The following STK10 variants were observed in gnomAD, a reference collection of about 807,000 sequenced individuals.
STK10 encodes serine/threonine-protein kinase 10.
STK10 carries 78 observed loss-of-function variants against 113.8 expected under a neutral mutation model. That is an observed-to-expected ratio of 0.69 (90% confidence interval 0.57 to 0.83). The LOEUF (loss-of-function observed/expected upper bound fraction) is 0.83. STK10 is among the 40% of genes least tolerant of loss of function. STK10 has a pLI of 0.00. For missense variants in STK10, 1,109 were observed against 1,280.1 expected (o/e 0.87, Z 2.04); for synonymous variants, 465 against 494.7 (o/e 0.94, Z 0.80).
intron 2 of STK10, among the ~76,000 whole-genome samples, chr5:172,141,105 G>A (rs1388638150): frequency 6.6e-6 from 1 of 152,178 alleles, no homozygotes; most frequent in East Asian, 1.9e-4. Context: ...GCTGCCACGG[G>A]CTGATGGTAG....
Position 172,060,716 on chromosome 5 carries a change from A to C in STK10, c.2212+423T>G, listed in dbSNP as rs189183865. On this transcript the variant is annotated intron_variant, in intron 14 of 18. Coordinates refer to ENST00000176763, the MANE Select transcript of STK10 (RefSeq NM_005990.4). ...AAAGAATAGTAACTCTCCAAGCCTCAGTTTCCTCATCTACAGAAATGGGGA... is the reference window on the plus strand; with the variant it reads ...AAAGAATAGTAACTCTCCAAGCCTCCGTTTCCTCATCTACAGAAATGGGGA... Among the ~76,000 whole-genome samples the C allele has an allele frequency of 1.5e-3, 231 of 152,324 alleles. 1 individual carries two copies. The highest frequency in any genetic ancestry group is 5.3e-3 in the African/African-American group (222 of 41,588).
intron 5 of STK10, among the ~76,000 whole-genome samples, chr5:172,107,554 C>T (rs896033538): frequency 2.6e-5 from 4 of 152,202 alleles, no homozygotes; most frequent in African/African-American, 4.8e-5. Context: ...ATTTCATTCT[C>T]ACAGTAGCCT....
chr5:172,124,076 AC>A (rs1430127389), intron 3 of STK10, among the ~76,000 whole-genome samples: 4 of 152,008 alleles, frequency 2.6e-5, no homozygotes, highest in Admixed American at 6.6e-5. Context: ...ACAGGTGCAA[AC>A]CACTAACGCC....
Position 172,093,399 on chromosome 5 carries a change from G to C in STK10, c.1554+13C>G. The C allele has an allele frequency of 6.4e-7, 1 of 1,573,138 alleles. No homozygotes were observed. Among genetic ancestry groups the C allele is most frequent in the Non-Finnish European group, 8.7e-7 (1 of 1,153,590 alleles). ...GTCTTGCTGCAAGCCCGTGGTGGCAGAGGCGGTGTTACCTTGATGGACAGA... is the reference window on the plus strand; with the variant it reads ...GTCTTGCTGCAAGCCCGTGGTGGCACAGGCGGTGTTACCTTGATGGACAGA... On this transcript the variant is annotated intron_variant, in intron 9 of 18. Coordinates refer to ENST00000176763, the MANE Select transcript of STK10 (RefSeq NM_005990.4). The surrounding 1 kb of genome is among the most constrained non-coding windows in gnomAD (Gnocchi z 4.1).
At chr5:172,069,211 C>T (rs545939926) in intron 12 of STK10, among the ~76,000 whole-genome samples, 1 of 151,370 alleles carries the variant, frequency 6.6e-6, no homozygotes, top group South Asian at 2.1e-4. Context: ...AATATAAATG[C>T]CATAAACACC....
chr5:172,099,883 C>A (rs546826192), intron 7 of STK10, among the ~76,000 whole-genome samples: 4 of 152,194 alleles, frequency 2.6e-5, no homozygotes, highest in Admixed American at 6.5e-5. Context: ...CTTTTCAGCA[C>A]GGCCAGGAAC....
chr5:172,177,191 C>T (rs61677863), intron 1 of STK10, among the ~76,000 whole-genome samples: 11,004 of 143,360 alleles, frequency 0.077, 1,330 homozygotes, highest in African/African-American at 0.27. Flanking sequence ...AAAGAAAAGA[C>T]CCTAGAAGGC....
rs779478364 is a variant in STK10, at chr5:172,107,877, G to A, written c.521-25C>T. The A allele has an allele frequency of 6.2e-5, 100 of 1,612,234 alleles. No homozygotes were observed. In the East Asian group the frequency reaches 9.1e-4, roughly 15 times the overall value. On this transcript the variant is annotated intron_variant, in intron 4 of 18. Coordinates refer to ENST00000176763, the MANE Select transcript of STK10 (RefSeq NM_005990.4). ...GCTGCAAGACAAAATCTCAGCTAGC[G>A]TTTTCCACCCATAGCCCTGGGGTAA...
intron 2 of STK10, among the ~76,000 whole-genome samples, chr5:172,131,215 T>G (rs1769749685): frequency 2.0e-5 from 3 of 152,038 alleles, no homozygotes; most frequent in African/African-American, 7.2e-5. Context: ...TTGTATTTTT[T>G]GGTAGAGGCA....
intron 18 of STK10, 93 bp downstream of exon 18, chr5:172,052,836 C>G: frequency 8.1e-7 from 1 of 1,231,712 alleles, no homozygotes; most frequent in East Asian, 2.4e-5. Flanking sequence ...AAGAGTCCAC[C>G]AAAATAAGGA....
In STK10 at chr5:172,099,334, G is replaced by A. The variant is rs1768929392; in HGVS notation, c.871-2774C>T. On this transcript the variant is annotated intron_variant, in intron 7 of 18. Coordinates refer to ENST00000176763, the MANE Select transcript of STK10 (RefSeq NM_005990.4). ...GGCGGTGGATCACCTGAGGTCAGGA[G>A]TTCAAGATCAGCCTGGCCAACATGG... Among the ~76,000 whole-genome samples, 7 of 152,300 alleles carry A rather than the reference G, an allele frequency of 4.6e-5. No homozygotes were observed. In the South Asian group the frequency reaches 1.4e-3, roughly 32 times the overall value.
intron 1 of STK10, among the ~76,000 whole-genome samples, chr5:172,180,210 TC>T (rs1435571838): frequency 2.6e-5 from 4 of 152,256 alleles, no homozygotes; most frequent in African/African-American, 9.6e-5. Flanking sequence ...ACGCCTGTAA[TC>T]CCAGCAGTTT....
intron 18 of STK10, 63 bp downstream of exon 18, chr5:172,052,866 A>T: frequency 3.3e-6 from 5 of 1,522,032 alleles, no homozygotes; most frequent in Non-Finnish European, 4.5e-6. Flanking sequence ...TGTCCTGGCC[A>T]GAGGCCTGTG....
intron 1 of STK10, among the ~76,000 whole-genome samples, chr5:172,166,040 A>G (rs2087614): frequency 0.64 from 97,007 of 151,784 alleles, 31,759 homozygotes; most frequent in African/African-American, 0.8. Context: ...TGATCCGCCC[A>G]CCTTGGCCTC....
chr5:172,130,522 C>T (rs981920972), intron 2 of STK10, among the ~76,000 whole-genome samples: 1 of 143,654 alleles, frequency 7.0e-6, no homozygotes, highest in Admixed American at 6.9e-5. Context: ...CAGAGCAAGA[C>T]TCTGTCTCCA....
At chr5:172,103,723 A>G (rs539180455) in intron 7 of STK10, among the ~76,000 whole-genome samples, 1 of 152,010 alleles carries the variant, frequency 6.6e-6, no homozygotes, top group South Asian at 2.1e-4. Context: ...GGCAGTAGAT[A>G]GACCTCATTT....
intron 2 of STK10, among the ~76,000 whole-genome samples, chr5:172,142,732 A>G (rs868837428): frequency 6.6e-6 from 1 of 152,226 alleles, no homozygotes; most frequent in Non-Finnish European, 1.5e-5. Flanking sequence ...ATCGAGTATT[A>G]CCAGCACTAG....
intron 2 of STK10, among the ~76,000 whole-genome samples, chr5:172,151,807 A>C (rs944412122): frequency 6.6e-6 from 1 of 152,196 alleles, no homozygotes; most frequent in African/African-American, 2.4e-5. Context: ...TCCACTTAGT[A>C]GCTGCTCAGC....
In STK10 at chr5:172,090,191, C is replaced by T. The variant is rs766871971; in HGVS notation, c.1685+41G>A. 6.8e-6 allele frequency: 11 copies of T among 1,610,320 alleles called. No homozygotes were observed. In the South Asian group the frequency reaches 1.0e-4, roughly 15 times the overall value. On this transcript the variant is annotated intron_variant, in intron 10 of 18. Coordinates refer to ENST00000176763, the MANE Select transcript of STK10 (RefSeq NM_005990.4). ...CAATGCCCACTCCTCTTACCATAGC[C>T]CCACCCTGTTACCACCATTGGTGGC...
Sources: allele counts gnomAD v4.1 joint callset (sites outside exome capture counted in the v4.1 genomes callset), GRCh38; gene constraint gnomAD v4.1.1; non-coding constraint Gnocchi (gnomAD v3.1); transcripts MANE v1.5; gene names NCBI Gene and HGNC (gene_info 2026-07-23, HGNC 2026-07-21).